The following DCDC1 variants were observed in gnomAD, a reference collection of about 807,000 sequenced individuals.
The protein encoded by DCDC1 is doublecortin domain-containing protein 1.
Under a neutral mutation model 178.3 loss-of-function variants are expected in DCDC1, and 200 were observed. The observed-to-expected ratio is 1.12, with a 90% CI of 1.00 to 1.26. The LOEUF is 1.26. Ranked by LOEUF, DCDC1 falls within the 50% of genes most tolerant of loss-of-function variation. The probability of loss-of-function intolerance (pLI) is 0.00; values close to 1 mark genes in which losing one functional copy is unlikely to be tolerated. For missense variants in DCDC1, 1,983 were observed against 1,749.2 expected (o/e 1.13, Z -2.38); for synonymous variants, 690 against 604.8 (o/e 1.14, Z -2.07).
intron 4 of DCDC1, 151 bp from the exon 5 acceptor site, chr11:31,306,539 G>T: frequency 1.3e-6 from 1 of 795,602 alleles, no homozygotes; most frequent in Non-Finnish European, 1.7e-6. Flanking sequence ...TATAGGATAA[G>T]ATTGTTGTTA....
chr11:31,179,534 G>A (rs1968506723), intron 9 of DCDC1, among the ~76,000 whole-genome samples: 1 of 152,160 alleles, frequency 6.6e-6, no homozygotes. Context: ...CAATGTGAAT[G>A]AATCTAGACA....
intron 6 of DCDC1, among the ~76,000 whole-genome samples, chr11:31,297,313 T>A (rs1204184847): frequency 6.6e-6 from 1 of 151,972 alleles, no homozygotes; most frequent in Non-Finnish European, 1.5e-5. Flanking sequence ...AGAACCCTAA[T>A]GCCATCTGAA....
intron 9 of DCDC1, among the ~76,000 whole-genome samples, chr11:31,208,097 T>C (rs1376018423): frequency 1.3e-5 from 2 of 152,306 alleles, no homozygotes; most frequent in East Asian, 3.9e-4. Context: ...TCACCCTTGG[T>C]GATCTCAACC....
chr11:30,999,487 A>G (rs1025710862), intron 20 of DCDC1, among the ~76,000 whole-genome samples: 1 of 152,168 alleles, frequency 6.6e-6, no homozygotes, highest in African/African-American at 2.4e-5. Flanking sequence ...CTTAAAAATT[A>G]TTATGCTTTT....
intron 9 of DCDC1, among the ~76,000 whole-genome samples, chr11:31,146,470 T>C (rs919952020): frequency 2.6e-5 from 4 of 152,136 alleles, no homozygotes; most frequent in Non-Finnish European, 1.5e-5. Flanking sequence ...AGGTGCAACA[T>C]GGAAGAAGGG....
chr11:31,131,321 A>C (rs1962413816), intron 10 of DCDC1, among the ~76,000 whole-genome samples: 1 of 152,156 alleles, frequency 6.6e-6, no homozygotes, highest in African/African-American at 2.4e-5. Context: ...AAAGAAAAGA[A>C]TGGTGTTTAT....
chr11:30,866,255 G>A (rs965425296), intron 38 of DCDC1, among the ~76,000 whole-genome samples: 1 of 152,144 alleles, frequency 6.6e-6, no homozygotes, highest in Non-Finnish European at 1.5e-5. Context: ...CATAGACTGG[G>A]TAGCTTAGAA....
intron 11 of DCDC1, among the ~76,000 whole-genome samples, chr11:31,112,399 G>A (rs1021982928): frequency 8.6e-5 from 13 of 152,046 alleles, no homozygotes; most frequent in African/African-American, 1.9e-4. Flanking sequence ...ACTTAGATAC[G>A]GGAAAATTAA....
intron 9 of DCDC1, among the ~76,000 whole-genome samples, chr11:31,221,628 C>G (rs1043676312): frequency 1.3e-5 from 2 of 152,118 alleles, no homozygotes; most frequent in Admixed American, 1.3e-4. Flanking sequence ...CCCTTTAGTT[C>G]AAACTGGTAG....
chr11:30,924,537 A>G (rs1946476998), intron 23 of DCDC1, among the ~76,000 whole-genome samples: 1 of 152,150 alleles, frequency 6.6e-6, no homozygotes, highest in South Asian at 2.1e-4. Context: ...AAGTCCTTCC[A>G]CTTTTCAGCC....
chr11:31,057,450 A>T (rs1004130039), intron 20 of DCDC1, among the ~76,000 whole-genome samples: 34 of 152,306 alleles, frequency 2.2e-4, no homozygotes, highest in African/African-American at 7.2e-4. Flanking sequence ...ATTAAGAAAT[A>T]TCCTAAATAG....
intron 20 of DCDC1, among the ~76,000 whole-genome samples, chr11:30,953,550 A>T (rs1224448400): frequency 6.6e-6 from 1 of 152,068 alleles, no homozygotes; most frequent in Non-Finnish European, 1.5e-5. Flanking sequence ...ATTATTTTTT[A>T]AATATAAAAT....
intron 11 of DCDC1, among the ~76,000 whole-genome samples, chr11:31,120,424 T>C (rs1960625472): frequency 1.3e-5 from 2 of 152,152 alleles, no homozygotes; most frequent in Admixed American, 1.3e-4. Context: ...TCTGTGTAAG[T>C]ATTTCTGATG....
intron 7 of DCDC1, among the ~76,000 whole-genome samples, chr11:31,288,054 A>T (rs868443630): frequency 2.2e-4 from 34 of 152,130 alleles, no homozygotes; most frequent in African/African-American, 7.7e-4. Flanking sequence ...GAAAAAATTA[A>T]ACATTTTTCA....
At chr11:31,250,617 T>C (rs1284051313) in intron 8 of DCDC1, among the ~76,000 whole-genome samples, 14 of 151,538 alleles carry the variant, frequency 9.2e-5, no homozygotes, top group Non-Finnish European at 1.5e-5. Flanking sequence ...ATTCCACATT[T>C]GGCAGAACAG....
At position 30,899,545 on chromosome 11, in the gene DCDC1, T is replaced by C. The variant is rs1944501871; in HGVS notation, c.4761A>G (p.Leu1587=). Residue 1587 remains leucine (L), a synonymous_variant, in exon 34 of 39, where the codon TTA becomes TTG. Transcript: ENST00000684477. ...CTTGATATAGTTCATACTGACCTTT[T>C]AACTGTCTCATTTTGTGTCTCATGG... ...LDTMRHKMRQ[L]KGRRVAACQP... is the part of the protein sequence containing the mutation. 1.9e-6 allele frequency: 3 copies of C among 1,561,514 alleles called. No homozygotes were observed. Among genetic ancestry groups the C allele is most frequent in the Non-Finnish European group, 2.6e-6 (3 of 1,154,738 alleles).
At chr11:31,219,007 C>G (rs1251226207) in intron 9 of DCDC1, among the ~76,000 whole-genome samples, 1 of 152,068 alleles carries the variant, frequency 6.6e-6, no homozygotes, top group African/African-American at 2.4e-5. Flanking sequence ...GTGATCATAG[C>G]AAGGACAAGT....
At chr11:31,120,209 T>C (rs1001573389) in intron 11 of DCDC1, among the ~76,000 whole-genome samples, 7 of 152,140 alleles carry the variant, frequency 4.6e-5, no homozygotes, top group African/African-American at 1.7e-4. Context: ...TTACTTACAA[T>C]AGAAGAGAAC....
chr11:30,869,087 A>G (rs1479239089), intron 38 of DCDC1, among the ~76,000 whole-genome samples: 1 of 152,230 alleles, frequency 6.6e-6, no homozygotes, highest in Non-Finnish European at 1.5e-5. Flanking sequence ...GCTGCCTGCA[A>G]CAGAGGGTCT....
Sources: gnomAD v4.1 joint callset for allele counts (sites outside exome capture counted in the v4.1 genomes callset) on GRCh38, gnomAD v4.1.1 for gene constraint, MANE v1.5 for transcripts, NCBI Gene and HGNC (gene_info 2026-07-23, HGNC 2026-07-21) for gene names.